ELP4: variants seen among roughly 807,000 people sequenced by gnomAD.
The protein encoded by ELP4 is elongator acetyltransferase complex subunit 4.
Under a neutral mutation model 48.9 loss-of-function variants are expected in ELP4, and 51 were observed. The ratio of observed to expected loss-of-function variants is 1.04; its 90% CI spans 0.83 to 1.32. The LOEUF is 1.32. Among genes scored for constraint, ELP4 ranks in the 40% most tolerant of loss-of-function variants. ELP4 has a pLI of 0.00. For synonymous variants in ELP4, 210 were observed against 189.2 expected (o/e 1.11, Z -0.90); for missense variants, 519 against 514.6 (o/e 1.01, Z -0.08).
chr11:31,696,232 C>G (rs1472625871), intron 9 of ELP4, among the ~76,000 whole-genome samples: 6 of 152,098 alleles, frequency 3.9e-5, no homozygotes, highest in South Asian at 2.1e-4. Context: ...TTTGCTCTTG[C>G]TTCTCTAGTT....
intron 9 of ELP4, among the ~76,000 whole-genome samples, chr11:31,679,937 C>T (rs1946022007): frequency 6.6e-6 from 1 of 152,170 alleles, no homozygotes; most frequent in Non-Finnish European, 1.5e-5. Context: ...GAGTTGTGTA[C>T]TCTCTAATGT....
intron 9 of ELP4, among the ~76,000 whole-genome samples, chr11:31,704,795 G>A (rs1480302103): frequency 6.6e-6 from 1 of 152,032 alleles, no homozygotes; most frequent in Non-Finnish European, 1.5e-5. Context: ...TGGATCACCT[G>A]AGGTGAAGAA....
intron 6 of ELP4, among the ~76,000 whole-genome samples, chr11:31,630,305 T>C (rs990410319): frequency 6.0e-5 from 9 of 150,984 alleles, no homozygotes; most frequent in Admixed American, 2.6e-4. Flanking sequence ...TATTGAATTA[T>C]AGAGCAACAA....
chr11:31,515,199 C>G (rs531019437), intron 1 of ELP4, among the ~76,000 whole-genome samples: 12 of 152,074 alleles, frequency 7.9e-5, no homozygotes, highest in African/African-American at 2.7e-4. Flanking sequence ...TTTACTACAG[C>G]CAATCTAAAT....
chr11:31,780,071 T>G (rs1171229657), intron 9 of ELP4: 1 of 152,236 alleles, frequency 6.6e-6, no homozygotes, highest in Non-Finnish European at 1.5e-5. Context: ...GATTTTTCTT[T>G]AAACCATTAC....
intron 3 of ELP4, among the ~76,000 whole-genome samples, chr11:31,542,409 G>A (rs1167193277): frequency 6.6e-6 from 1 of 152,182 alleles, no homozygotes; most frequent in East Asian, 1.9e-4. Context: ...GTGCTCACCT[G>A]TACTTGTACA....
At chr11:31,628,978 TC>T (rs1944803740) in intron 6 of ELP4, among the ~76,000 whole-genome samples, 1 of 152,012 alleles carries the variant, frequency 6.6e-6, no homozygotes, top group Admixed American at 6.6e-5. Flanking sequence ...AAAGTTTTTA[TC>T]TTTTTTTTAA....
chr11:31,615,818 C>A (rs967577976), intron 5 of ELP4, among the ~76,000 whole-genome samples: 3 of 152,000 alleles, frequency 2.0e-5, no homozygotes, highest in African/African-American at 7.2e-5. Flanking sequence ...TCCCTTCATA[C>A]CTCTTTAATT....
At chr11:31,723,641 TATGCC>T (rs1252758280) in intron 9 of ELP4, among the ~76,000 whole-genome samples, 6 of 152,180 alleles carry the variant, frequency 3.9e-5, no homozygotes, top group African/African-American at 1.4e-4. Context: ...CCTTAATGTA[TATGCC>T]ATCATTATCC....
chr11:31,766,898 G>C (rs189763245), intron 9 of ELP4, among the ~76,000 whole-genome samples: 32 of 151,794 alleles, frequency 2.1e-4, no homozygotes, highest in African/African-American at 7.0e-4. Context: ...AAAAACAGAA[G>C]AAAAAATGCC....
intron 3 of ELP4, among the ~76,000 whole-genome samples, chr11:31,552,180 C>T (rs1017355269): frequency 2.7e-4 from 41 of 152,210 alleles, no homozygotes; most frequent in African/African-American, 9.4e-4. Context: ...TAACTAGCCA[C>T]TTTATCTTAT....
At position 31,786,053 on chromosome 11, in the gene ELP4, G is replaced by A. The variant is rs1831851851; in HGVS notation, c.*2529G>A. 4.9e-6 allele frequency: 1 copy of A among 204,480 alleles called. No individual in the cohort carries two copies. Among genetic ancestry groups the A allele is most frequent in the Non-Finnish European group, 1.0e-5 (1 of 99,726 alleles). 12.7% of individuals were successfully genotyped at this position (204,480 alleles called of 1,614,324 possible). On this transcript the variant is annotated 3_prime_UTR_variant, in exon 10 of 10. Coordinates refer to ENST00000640961, the MANE Select transcript of ELP4 (RefSeq NM_019040.5). Reference sequence around the variant, plus strand: ...CTACTGCAGTTTGCTCAGGTGCTCGGGTTCTAAGACTTTTTGAATTTCCTT... The same window carrying A: ...CTACTGCAGTTTGCTCAGGTGCTCGAGTTCTAAGACTTTTTGAATTTCCTT...
chr11:31,599,935 A>G (rs1957748618), intron 4 of ELP4: 2 of 152,208 alleles, frequency 1.3e-5, no homozygotes, highest in Admixed American at 1.3e-4. Context: ...GTTTGGCCGT[A>G]GACTTCACTG....
At chr11:31,754,512 T>C (rs1258267271) in intron 9 of ELP4, among the ~76,000 whole-genome samples, 1 of 152,064 alleles carries the variant, frequency 6.6e-6, no homozygotes, top group Admixed American at 6.6e-5. Context: ...CCTACTTCAC[T>C]TTTTTTAAGT....
chr11:31,597,420 A>G (rs575421616), intron 4 of ELP4, among the ~76,000 whole-genome samples: 55 of 152,308 alleles, frequency 3.6e-4, no homozygotes, highest in African/African-American at 1.3e-3. Context: ...GTCTAGAAAA[A>G]TATGAGTTAA....
intron 9 of ELP4, among the ~76,000 whole-genome samples, chr11:31,751,955 T>C (rs1472772298): frequency 6.6e-6 from 1 of 152,108 alleles, no homozygotes; most frequent in Admixed American, 6.5e-5. Context: ...TTATTACAAC[T>C]TCATGTAATC....
chr11:31,555,274 G>A (rs1055142930), intron 3 of ELP4, among the ~76,000 whole-genome samples: 2 of 152,004 alleles, frequency 1.3e-5, no homozygotes. Flanking sequence ...GTGACAGTTC[G>A]TTAAGTTATT....
At chr11:31,594,927 A>G in intron 4 of ELP4, 26 bp downstream of exon 4, 3 of 1,535,660 alleles carry the variant, frequency 2.0e-6, no homozygotes, top group Non-Finnish European at 1.7e-6. Context: ...AATTCTTTCC[A>G]AAATTTGCAA....
At chr11:31,621,374 T>C (rs1944618566) in intron 5 of ELP4, among the ~76,000 whole-genome samples, 1 of 151,962 alleles carries the variant, frequency 6.6e-6, no homozygotes, top group Non-Finnish European at 1.5e-5. Context: ...GAAGTTCTTA[T>C]TTTTAAAAGC....
Sources: allele counts gnomAD v4.1 joint callset (sites outside exome capture counted in the v4.1 genomes callset), GRCh38; gene constraint gnomAD v4.1.1; transcripts MANE v1.5; gene names NCBI Gene and HGNC (gene_info 2026-07-23, HGNC 2026-07-21).